The following ARFGEF1 variants were observed in gnomAD, a reference collection of about 807,000 sequenced individuals.
ARFGEF1 encodes brefeldin A-inhibited guanine nucleotide-exchange protein 1.
In ARFGEF1, 42 loss-of-function variants were observed where a neutral mutation model predicts 231.0. The observed-to-expected ratio is 0.18, with a 90% CI of 0.14 to 0.24. The LOEUF (loss-of-function observed/expected upper bound fraction) is 0.24, where lower values mean the gene tolerates loss of function less well. Among genes scored for constraint, ARFGEF1 ranks in the 10% least tolerant of loss-of-function variants. The probability of loss-of-function intolerance (pLI) is 1.00; values close to 1 mark genes in which losing one functional copy is unlikely to be tolerated. For missense variants in ARFGEF1, 1,345 were observed against 2,192.0 expected (o/e 0.61, Z 7.72); for synonymous variants, 710 against 732.3 (o/e 0.97, Z 0.49).
At chr8:67,219,746 C>A (rs561753392) in intron 29 of ARFGEF1, among the ~76,000 whole-genome samples, 186 bp from the exon 30 acceptor site, 1 of 151,600 alleles carries the variant, frequency 6.6e-6, no homozygotes, top group African/African-American at 2.4e-5. Flanking sequence ...ATACATCATT[C>A]GGGAAAAAAA....
intron 15 of ARFGEF1, among the ~76,000 whole-genome samples, chr8:67,258,493 T>C (rs934856055): frequency 8.6e-5 from 13 of 151,888 alleles, no homozygotes; most frequent in African/African-American, 3.1e-4. Flanking sequence ...CCCAGCTAAT[T>C]TTTTTTGTAT....
intron 4 of ARFGEF1, among the ~76,000 whole-genome samples, chr8:67,298,987 T>C (rs760706288): frequency 3.3e-5 from 5 of 152,198 alleles, no homozygotes; most frequent in Non-Finnish European, 1.5e-5. Context: ...TTTCACCATG[T>C]TGGCCAGGCT....
At chr8:67,325,937 C>CT (rs1467058296) in intron 1 of ARFGEF1, among the ~76,000 whole-genome samples, 1 of 152,186 alleles carries the variant, frequency 6.6e-6, no homozygotes, top group African/African-American at 2.4e-5. Flanking sequence ...AATCCCACCA[C>CT]TTTGGAATCC....
At chr8:67,242,917 C>A (rs530730010) in intron 19 of ARFGEF1, among the ~76,000 whole-genome samples, 1 of 152,284 alleles carries the variant, frequency 6.6e-6, no homozygotes, top group South Asian at 2.1e-4. Flanking sequence ...TGGCCACGGG[C>A]TAAGGCTCTT....
chr8:67,178,140 T>G (rs922785798), intron 5 of ARFGEF1, among the ~76,000 whole-genome samples: 3 of 152,230 alleles, frequency 2.0e-5, no homozygotes, highest in African/African-American at 7.2e-5. Context: ...TTGTGAGAAC[T>G]GAGATAATAT....
At chr8:67,203,328 A>G in intron 35 of ARFGEF1, 77 bp from the exon 36 acceptor site, 1 of 1,504,626 alleles carries the variant, frequency 6.6e-7, no homozygotes. Flanking sequence ...ATGCTCCCCA[A>G]AGACCAGTTT....
intron 35 of ARFGEF1, among the ~76,000 whole-genome samples, chr8:67,203,633 G>T (rs1366418364): frequency 6.6e-6 from 1 of 152,232 alleles, no homozygotes; most frequent in East Asian, 1.9e-4. Flanking sequence ...AAAGCAGACT[G>T]GTTTCTCTCT....
At chr8:67,261,286 ATGCCTG>A in intron 14 of ARFGEF1, among the ~76,000 whole-genome samples, 1 of 152,362 alleles carries the variant, frequency 6.6e-6, no homozygotes, top group East Asian at 1.9e-4. Flanking sequence ...GGAGAAGTTA[ATGCCTG>A]GCTTCAAAGC....
chr8:67,181,601 T>A (rs762345634), intron 5 of ARFGEF1, among the ~76,000 whole-genome samples: 1 of 152,152 alleles, frequency 6.6e-6, no homozygotes, highest in Non-Finnish European at 1.5e-5. Context: ...ATGGCTGTGT[T>A]AACCACTGCT....
At chr8:67,204,343 T>C (rs1337177060) in intron 35 of ARFGEF1, among the ~76,000 whole-genome samples, 1 of 152,156 alleles carries the variant, frequency 6.6e-6, no homozygotes, top group East Asian at 1.9e-4. Context: ...GATCACATGC[T>C]TCTTCTTAAA....
Position 67,259,860 on chromosome 8 carries a change from A to G in ARFGEF1, c.2190T>C (p.Pro730=). The part of the protein sequence containing the change: ...LQEQGMLGTT[P]EDIAQFLHQE... Reference sequence around the variant, plus strand: ...GATGTAAGAATTGGGCAATATCTTCAGGTGTGGTGCCAAGCATCCCTTGTT... The same window carrying G: ...GATGTAAGAATTGGGCAATATCTTCGGGTGTGGTGCCAAGCATCCCTTGTT... Residue 730 remains proline (P), a synonymous_variant, in exon 15 of 39, where the codon CCT becomes CCC. Coordinates refer to ENST00000262215, the MANE Select transcript of ARFGEF1 (RefSeq NM_006421.5). 1 of 1,613,208 alleles carries G rather than the reference A, an allele frequency of 6.2e-7. No individual in the cohort carries two copies. The highest frequency in any genetic ancestry group is 8.5e-7 in the Non-Finnish European group (1 of 1,179,452).
rs1481195968 is a variant in ARFGEF1, at chr8:67,190,568, G to A, written c.560+9828C>T. On this transcript the variant is annotated intron_variant, in intron 5 of 5. Transcript: ENST00000518789. ...TCATGGTATTGTAAGCAAAATCTTA[G>A]TAATTAAAAGGCTCTTGGTTTAGCT... 10 of 990,040 alleles carry A rather than the reference G, an allele frequency of 1.0e-5. No individual in the cohort carries two copies. The East Asian group carries it at 2.1e-4, about 21-fold the overall frequency. 61.3% of individuals were successfully genotyped at this position (990,040 alleles called of 1,614,324 possible). A position where few individuals can be genotyped will look rare whatever the true frequency, so the allele number is the denominator to read the frequency against.
Position 67,304,584 on chromosome 8 carries a change from T to C in ARFGEF1, c.125-2118A>G, listed in dbSNP as rs149033961. Among the ~76,000 whole-genome samples, 1,434 of 152,350 alleles carry C rather than the reference T, an allele frequency of 9.4e-3. 10 individuals carry two copies. Among genetic ancestry groups the C allele is most frequent in the Non-Finnish European group, 0.016 (1,117 of 68,036 alleles). On this transcript the variant is annotated intron_variant, in intron 1 of 38. Coordinates refer to ENST00000262215, the MANE Select transcript of ARFGEF1 (RefSeq NM_006421.5). ...GCTCACACCTATAATCCCAGCACCT[T>C]GGGAAGCCGAGGCACATCGATCACT...
Position 67,244,173 on chromosome 8 carries a change from G to A in ARFGEF1, c.2851-3883C>T, listed in dbSNP as rs866413701. On this transcript the variant is annotated intron_variant, in intron 19 of 38. Transcript: ENST00000262215. Reference sequence around the variant, plus strand: ...AGAGAGAATTGCTTGAACCTGGGAGGCGGAGGTTGCAATGAGCCGGGATCA... The same window carrying A: ...AGAGAGAATTGCTTGAACCTGGGAGACGGAGGTTGCAATGAGCCGGGATCA... 2.2e-4 allele frequency among the ~76,000 whole-genome samples: 32 copies of A among 148,718 alleles called. No homozygotes were observed. In the Middle Eastern group the frequency reaches 0.021, roughly 95 times the overall value.
intron 19 of ARFGEF1, among the ~76,000 whole-genome samples, chr8:67,242,432 A>G (rs1039989265): frequency 2.6e-5 from 4 of 152,158 alleles, no homozygotes; most frequent in African/African-American, 4.8e-5. Flanking sequence ...CCTAGCTCTG[A>G]TTTCTAGACA....
chr8:67,196,340 G>A (rs1276701471), downstream of ARFGEF1: 2 of 152,164 alleles, frequency 1.3e-5, no homozygotes, highest in Non-Finnish European at 2.9e-5. Context: ...GGGAGTCAAG[G>A]ACAGAGAGAC....
At chr8:67,257,901 T>C in intron 16 of ARFGEF1, 85 bp from the exon 17 acceptor site, 2 of 1,276,676 alleles carry the variant, frequency 1.6e-6, no homozygotes, top group Non-Finnish European at 2.2e-6. Flanking sequence ...CCCATAGCAC[T>C]TTTATTTCTC....
chr8:67,275,315 C>T (rs568975979), intron 9 of ARFGEF1, among the ~76,000 whole-genome samples: 2 of 152,056 alleles, frequency 1.3e-5, no homozygotes, highest in East Asian at 1.9e-4. Context: ...ATTTGAATCA[C>T]GAGAGATACT....
At chr8:67,254,839 G>GT (rs1213080721) in intron 17 of ARFGEF1, among the ~76,000 whole-genome samples, 3 of 151,402 alleles carry the variant, frequency 2.0e-5, no homozygotes, top group African/African-American at 4.9e-5. Context: ...AGTGTTTAAC[G>GT]TATCATTTAA....
Sources: allele counts gnomAD v4.1 joint callset (sites outside exome capture counted in the v4.1 genomes callset), GRCh38; gene constraint gnomAD v4.1.1; transcripts MANE v1.5; gene names NCBI Gene and HGNC (gene_info 2026-07-23, HGNC 2026-07-21).